ZNF385D: variants seen among roughly 807,000 people sequenced by gnomAD.
ZNF385D encodes zinc finger protein 385D, also known as zinc finger protein 659.
In ZNF385D, 15 loss-of-function variants were observed where a neutral mutation model predicts 35.8. That is an observed-to-expected ratio of 0.42 (90% confidence interval 0.28 to 0.64). ZNF385D has a LOEUF of 0.64. ZNF385D is among the 30% of genes least tolerant of loss of function. The probability of loss-of-function intolerance (pLI) is 0.23; values close to 1 mark genes in which losing one functional copy is unlikely to be tolerated. For missense variants in ZNF385D, 474 were observed against 494.6 expected (o/e 0.96, Z 0.39); for synonymous variants, 212 against 186.8 (o/e 1.13, Z -1.10).
intron 2 of ZNF385D, among the ~76,000 whole-genome samples, chr3:22,332,382 G>C (rs570434287): frequency 2.0e-5 from 3 of 152,192 alleles, no homozygotes; most frequent in Admixed American, 2.0e-4. Flanking sequence ...TTAGCCTGAA[G>C]ATTCAATGAA....
chr3:21,599,927 T>TG (rs1383086766), intron 2 of ZNF385D, among the ~76,000 whole-genome samples: 1 of 152,188 alleles, frequency 6.6e-6, no homozygotes, highest in Non-Finnish European at 1.5e-5. Context: ...AATCACAGGA[T>TG]GAGACAGGTG....
At chr3:21,653,485 A>G (rs1000222388) in intron 2 of ZNF385D, among the ~76,000 whole-genome samples, 1 of 152,096 alleles carries the variant, frequency 6.6e-6, no homozygotes, top group Non-Finnish European at 1.5e-5. Context: ...AAGCTTGCAT[A>G]TGTGCATAAA....
chr3:21,418,520 A>G lies in ZNF385D; in HGVS notation c.*2694T>C, dbSNP rs1700605495. Reference sequence around the variant, plus strand: ...AGACCATTTAAACAAAAATGGTTCCATAGCGAAGTGAGGCAGAAGGGATCC... The same window carrying G: ...AGACCATTTAAACAAAAATGGTTCCGTAGCGAAGTGAGGCAGAAGGGATCC... On this transcript the variant is annotated 3_prime_UTR_variant, in exon 8 of 8. Transcript: ENST00000281523. 1 of 152,204 alleles carries G rather than the reference A, an allele frequency of 6.6e-6. No individual in the cohort carries two copies. Among genetic ancestry groups the G allele is most frequent in the Non-Finnish European group, 1.5e-5 (1 of 68,004 alleles). The allele number at this position is 152,204 out of a possible 1,614,324, so 9.4% of individuals were successfully genotyped here.
At position 21,954,862 on chromosome 3, in the gene ZNF385D, C is replaced by T. The variant is rs1343203635; in HGVS notation, c.325+213955G>A. Among the ~76,000 whole-genome samples the T allele has an allele frequency of 2.6e-5, 4 of 152,024 alleles. No homozygotes were observed. The East Asian group carries it at 7.7e-4, about 29-fold the overall frequency. ...ATCACAGCAACCACTGAAAGTGAAG[C>T]TTTACAAAAATATGACATAATGAAA... On this transcript the variant is annotated intron_variant, in intron 3 of 5. Coordinates refer to the ZNF385D transcript ENST00000494108.
At chr3:22,133,047 G>T (rs1213319428) in intron 3 of ZNF385D, among the ~76,000 whole-genome samples, 3 of 152,004 alleles carry the variant, frequency 2.0e-5, no homozygotes, top group Admixed American at 2.0e-4. Flanking sequence ...TAAAATTATA[G>T]GTATTTATGA....
chr3:22,198,059 T>C (rs982968334), intron 2 of ZNF385D, among the ~76,000 whole-genome samples: 9 of 152,056 alleles, frequency 5.9e-5, no homozygotes, highest in South Asian at 2.1e-4. Context: ...TTAATTCTCA[T>C]ATACAATTTT....
chr3:22,036,766 G>C (rs938951836), intron 3 of ZNF385D, among the ~76,000 whole-genome samples: 2 of 147,470 alleles, frequency 1.4e-5, no homozygotes, highest in Non-Finnish European at 3.0e-5. Context: ...CAACGTGCAA[G>C]TTTGCTACAT....
At chr3:22,257,061 T>C (rs911402094) in intron 2 of ZNF385D, among the ~76,000 whole-genome samples, 4 of 151,902 alleles carry the variant, frequency 2.6e-5, no homozygotes, top group African/African-American at 2.4e-5. Flanking sequence ...AGAAGAAAAT[T>C]TCTGGTATGC....
At chr3:21,884,867 G>T (rs1409055198) in intron 3 of ZNF385D, among the ~76,000 whole-genome samples, 1 of 151,846 alleles carries the variant, frequency 6.6e-6, no homozygotes, top group African/African-American at 2.4e-5. Context: ...ATTTATACAC[G>T]AGGATCATGA....
At chr3:21,766,156 T>G (rs1381030969) in intron 3 of ZNF385D, among the ~76,000 whole-genome samples, 1 of 152,140 alleles carries the variant, frequency 6.6e-6, no homozygotes, top group Non-Finnish European at 1.5e-5. Flanking sequence ...CAATGGTTTC[T>G]GCAGGAAACA....
At chr3:22,078,090 C>T (rs1207369966) in intron 3 of ZNF385D, among the ~76,000 whole-genome samples, 2 of 151,896 alleles carry the variant, frequency 1.3e-5, no homozygotes, top group East Asian at 3.9e-4. Flanking sequence ...TTTTAGTTTC[C>T]CCGGATTCCT....
At chr3:21,949,546 C>CTTTTTTTTTT (rs1553705221) in intron 3 of ZNF385D, among the ~76,000 whole-genome samples, 3 of 31,156 alleles carry the variant, frequency 9.6e-5, no homozygotes, top group African/African-American at 2.9e-4. Flanking sequence ...TCCTTCTTTT[C>CTTTTTTTTTT]TTTCTTTCTT....
At chr3:21,682,183 T>C (rs952138367) in intron 1 of ZNF385D, among the ~76,000 whole-genome samples, 6 of 152,218 alleles carry the variant, frequency 3.9e-5, no homozygotes, top group Admixed American at 6.5e-5. Flanking sequence ...AGCTGAATCT[T>C]GGACAATTGG....
chr3:21,793,415 A>G (rs2072010979), intron 3 of ZNF385D, among the ~76,000 whole-genome samples: 1 of 152,278 alleles, frequency 6.6e-6, no homozygotes, highest in Non-Finnish European at 1.5e-5. Flanking sequence ...AAAGAACAAC[A>G]GATCCTTTGT....
At chr3:21,486,981 G>T (rs1705076613) in intron 4 of ZNF385D, among the ~76,000 whole-genome samples, 1 of 151,972 alleles carries the variant, frequency 6.6e-6, no homozygotes, top group Admixed American at 6.6e-5. Flanking sequence ...GCAGACAATG[G>T]CAAAACCGAA....
chr3:21,713,730 C>T (rs1373334562), intron 1 of ZNF385D, among the ~76,000 whole-genome samples: 1 of 152,144 alleles, frequency 6.6e-6, no homozygotes, highest in East Asian at 1.9e-4. Context: ...TCCTCTTCTC[C>T]AAAAATCTTG....
chr3:22,003,985 C>T (rs934194153), intron 3 of ZNF385D, among the ~76,000 whole-genome samples: 3 of 151,942 alleles, frequency 2.0e-5, no homozygotes, highest in Non-Finnish European at 4.4e-5. Flanking sequence ...ATCATACTAT[C>T]TGACTTTAAA....
chr3:22,107,922 G>C (rs890672077), intron 3 of ZNF385D, among the ~76,000 whole-genome samples: 1 of 151,814 alleles, frequency 6.6e-6, no homozygotes, highest in Non-Finnish European at 1.5e-5. Context: ...TGATTAGGCC[G>C]TGAGGACTCC....
At chr3:22,120,427 T>C (rs927843769) in intron 3 of ZNF385D, among the ~76,000 whole-genome samples, 3 of 152,136 alleles carry the variant, frequency 2.0e-5, no homozygotes, top group Non-Finnish European at 4.4e-5. Context: ...TATACCCTTA[T>C]GACCTCGTAT....
Sources: allele counts gnomAD v4.1 joint callset (sites outside exome capture counted in the v4.1 genomes callset), GRCh38; gene constraint gnomAD v4.1.1; transcripts MANE v1.5; gene names NCBI Gene and HGNC (gene_info 2026-07-23, HGNC 2026-07-21).